The following ALKBH3 variants were observed in gnomAD, a reference collection of about 807,000 sequenced individuals.
ALKBH3 encodes alpha-ketoglutarate-dependent dioxygenase alkB homolog 3.
In ALKBH3, 51 loss-of-function variants were observed where a neutral mutation model predicts 43.9. That is an observed-to-expected ratio of 1.16 (90% CI 0.93 to 1.47). The LOEUF (loss-of-function observed/expected upper bound fraction) is 1.47. Ranked by LOEUF, ALKBH3 falls within the 40% of genes most tolerant of loss-of-function variation. ALKBH3 has a pLI of 0.00. For missense variants in ALKBH3, 361 were observed against 351.9 expected (o/e 1.03, Z -0.21); for synonymous variants, 102 against 115.2 (o/e 0.89, Z 0.73).
chr11:43,897,249 C>A, intron 7 of ALKBH3: 1 of 555,518 alleles, frequency 1.8e-6, no homozygotes, highest in Non-Finnish European at 3.5e-6. Flanking sequence ...GGAACCGCGA[C>A]TGCTCCGCAG....
At chr11:43,899,367 A>G (rs940910446) in intron 7 of ALKBH3, 18 of 701,316 alleles carry the variant, frequency 2.6e-5, no homozygotes, top group Admixed American at 3.6e-5. Flanking sequence ...AGCCTGCCCC[A>G]GGTGGATGAT....
At position 43,889,845 on chromosome 11, in the gene ALKBH3, G is replaced by A. The variant is rs1276808906; in HGVS notation, c.370+17G>A. 6.3e-7 allele frequency: 1 copy of A among 1,586,520 alleles called. No homozygotes were observed. The highest frequency in any genetic ancestry group is 8.7e-7 in the Non-Finnish European group (1 of 1,155,384). The stretch of plus-strand genomic sequence containing the variant: ...TCAGAGAGGGTAAGTAGATCCCAGA[G>A]GTCACAGTTGGTGCTGCGTGTTCTC... On this transcript the variant is annotated intron_variant, in intron 6 of 9. Transcript: ENST00000302708.
intron 7 of ALKBH3, chr11:43,897,912 G>A (rs964941430): frequency 5.1e-6 from 4 of 782,576 alleles, no homozygotes; most frequent in Non-Finnish European, 9.5e-6. Flanking sequence ...AAAAAGGAAA[G>A]AAAATTATTG....
chr11:43,882,669 G>A lies in ALKBH3; in HGVS notation c.17G>A (p.Arg6Gln), dbSNP rs755748430. 8.1e-6 allele frequency: 13 copies of A among 1,613,206 alleles called. No homozygotes were observed. The highest frequency in any genetic ancestry group is 1.1e-5 in the Non-Finnish European group (13 of 1,179,748). MEEKR[R>Q]RARVQGAWAA... ...TTGGTCAACATGGAGGAAAAAAGAC[G>A]GCGAGCCCGAGTTCAGGGAGCCTGG... The change falls in exon 2 of 10, where the codon CGG becomes CAG. Residue 6 changes from arginine (R) to glutamine (Q), a missense_variant. Coordinates refer to ENST00000302708, the MANE Select transcript of ALKBH3 (RefSeq NM_139178.4).
intron 7 of ALKBH3, chr11:43,899,301 C>T (rs759064229): frequency 5.5e-4 from 386 of 700,746 alleles, no homozygotes; most frequent in Middle Eastern, 3.8e-3. Context: ...ACCACGTGGC[C>T]GGGCCTCTGC....
chr11:43,892,826 G>A (rs1313426182), intron 7 of ALKBH3, among the ~76,000 whole-genome samples: 4 of 152,146 alleles, frequency 2.6e-5, no homozygotes, highest in Non-Finnish European at 5.9e-5. Flanking sequence ...ACAGAAATGT[G>A]ACACATTTCA....
intron 3 of ALKBH3, 89 bp from the exon 4 acceptor site, chr11:43,883,894 A>G: frequency 5.9e-6 from 9 of 1,513,898 alleles, no homozygotes; most frequent in Non-Finnish European, 8.2e-6. Flanking sequence ...TTTTAACTTT[A>G]TTTTGACCAG....
chr11:43,899,674 G>A (rs972196891), intron 7 of ALKBH3: 10 of 382,716 alleles, frequency 2.6e-5, no homozygotes, highest in African/African-American at 1.5e-4. Context: ...CACCTCTAGA[G>A]AGCAAATAGC....
At chr11:43,916,092 A>G (rs1951981564) in intron 8 of ALKBH3, among the ~76,000 whole-genome samples, 1 of 152,256 alleles carries the variant, frequency 6.6e-6, no homozygotes, top group African/African-American at 2.4e-5. Context: ...ACATTCTTTT[A>G]GGACAAGAAA....
intron 8 of ALKBH3, among the ~76,000 whole-genome samples, chr11:43,913,087 G>A (rs1467305371): frequency 6.8e-6 from 1 of 147,166 alleles, no homozygotes; most frequent in African/African-American, 2.5e-5. Flanking sequence ...ATGAGATACA[G>A]TAAATAATTT....
At chr11:43,907,442 T>C (rs1020958695) in intron 8 of ALKBH3, among the ~76,000 whole-genome samples, 2 of 152,168 alleles carry the variant, frequency 1.3e-5, no homozygotes, top group Non-Finnish European at 2.9e-5. Flanking sequence ...TTAGTTTCAG[T>C]AGGACAAACT....
At chr11:43,915,533 C>CT (rs200122253) in intron 8 of ALKBH3, among the ~76,000 whole-genome samples, 2 of 152,160 alleles carry the variant, frequency 1.3e-5, no homozygotes, top group African/African-American at 2.4e-5. Context: ...TATTTTCCCT[C>CT]TTTTTAAAAA....
At chr11:43,892,972 T>C (rs1415212989) in intron 7 of ALKBH3, among the ~76,000 whole-genome samples, 1 of 152,240 alleles carries the variant, frequency 6.6e-6, no homozygotes, top group African/African-American at 2.4e-5. Flanking sequence ...ATTTAGAATG[T>C]GAGCCAGGGA....
rs372586251 is a variant in ALKBH3 at position 43,901,597 on chromosome 11, T to C, written c.541T>C (p.Tyr181His). 8.7e-6 allele frequency: 14 copies of C among 1,614,150 alleles called. No individual in the cohort carries two copies. The highest frequency in any genetic ancestry group is 8.3e-5 in the Admixed American group (5 of 60,016). Residue 181 changes from tyrosine to histidine, a missense_variant, in exon 8 of 10, where the codon TAT becomes CAT. Coordinates refer to ENST00000302708, the MANE Select transcript of ALKBH3 (RefSeq NM_139178.4). ...CTTCAACTCCTTACTCTGCAATCTT[T>C]ATCGCAATGAGAAGGACAGCGTGGA... is the stretch of plus-strand genomic sequence containing the variant. ...HTFNSLLCNLYRNEKDSVDWH... is the reference protein window; with the variant it reads ...HTFNSLLCNLHRNEKDSVDWH...
intron 5 of ALKBH3, among the ~76,000 whole-genome samples, chr11:43,888,319 C>T (rs61883988): frequency 7.6e-5 from 2 of 26,212 alleles, no homozygotes; most frequent in Non-Finnish European, 2.5e-4. Flanking sequence ...CCCAGGCTGG[C>T]CTTGAACTCC....
intron 9 of ALKBH3, chr11:43,919,652 A>G: frequency 2.6e-6 from 1 of 384,332 alleles, no homozygotes; most frequent in Non-Finnish European, 4.8e-6. Flanking sequence ...GATTTGGGAA[A>G]TGGCAGGTGT....
At chr11:43,901,383 C>A in intron 7 of ALKBH3, 133 bp from the exon 8 acceptor site, 1 of 888,782 alleles carries the variant, frequency 1.1e-6, no homozygotes, top group Non-Finnish European at 1.7e-6. Context: ...TTATTGCATT[C>A]CATGTGGTTT....
At chr11:43,891,320 A>G (rs908105031) in intron 6 of ALKBH3, among the ~76,000 whole-genome samples, 1 of 151,770 alleles carries the variant, frequency 6.6e-6, no homozygotes, top group African/African-American at 2.4e-5. Context: ...TGGTTTTCTT[A>G]TCAGTAAAAT....
intron 8 of ALKBH3, among the ~76,000 whole-genome samples, chr11:43,906,170 T>A (rs1951894769): frequency 1.3e-5 from 2 of 152,182 alleles, no homozygotes; most frequent in African/African-American, 4.8e-5. Flanking sequence ...GAATCCTGTT[T>A]GTATTGCCAG....
Sources: gnomAD v4.1 joint callset for allele counts (sites outside exome capture counted in the v4.1 genomes callset) on GRCh38, gnomAD v4.1.1 for gene constraint, MANE v1.5 for transcripts, NCBI Gene and HGNC (gene_info 2026-07-23, HGNC 2026-07-21) for gene names.